TRIO: variants seen among roughly 807,000 people sequenced by gnomAD.
TRIO encodes triple functional domain protein.
A neutral mutation model predicts 351.9 loss-of-function variants in TRIO; 58 were observed. The observed-to-expected ratio is 0.16, with a 90% CI of 0.13 to 0.21. TRIO has a LOEUF of 0.21. TRIO is among the 10% of genes least tolerant of loss of function. The pLI is 1.00. For missense variants in TRIO, 3,201 were observed against 4,027.8 expected (o/e 0.79, Z 5.56); for synonymous variants, 1,758 against 1,595.7 (o/e 1.10, Z -2.42).
At position 14,501,466 on chromosome 5, in the gene TRIO, A is replaced by G. The variant is rs16903538; in HGVS notation, c.8333-1113A>G. Among the ~76,000 whole-genome samples, 595 of 152,318 alleles carry G rather than the reference A, an allele frequency of 3.9e-3. 6 individuals are homozygous for G. Among genetic ancestry groups the G allele is most frequent in the African/African-American group, 0.014 (571 of 41,562 alleles). On this transcript the variant is annotated intron_variant, in intron 53 of 56. Coordinates refer to ENST00000344204, the MANE Select transcript of TRIO (RefSeq NM_007118.4). Reference sequence around the variant, plus strand: ...GCAGAGGTGGATCAGACACGGGTTCACTTGTAGTCATGTAGCGGTCAGCAG... The same window carrying G: ...GCAGAGGTGGATCAGACACGGGTTCGCTTGTAGTCATGTAGCGGTCAGCAG...
At chr5:14,450,585 T>C (rs970464935) in intron 34 of TRIO, among the ~76,000 whole-genome samples, 1 of 152,254 alleles carries the variant, frequency 6.6e-6, no homozygotes, top group Non-Finnish European at 1.5e-5. Context: ...CTTCATGTTT[T>C]CTGTGTTCAA....
intron 34 of TRIO, among the ~76,000 whole-genome samples, chr5:14,424,454 C>T (rs557987570): frequency 1.3e-5 from 2 of 152,138 alleles, no homozygotes; most frequent in African/African-American, 2.4e-5. Flanking sequence ...CGAAGAAGTT[C>T]AGAGTATGAG....
intron 1 of TRIO, among the ~76,000 whole-genome samples, chr5:14,235,664 A>T (rs1185149160): frequency 6.6e-6 from 1 of 152,106 alleles, no homozygotes; most frequent in East Asian, 1.9e-4. Flanking sequence ...CACAGAATGG[A>T]ACTACGCTAG....
chr5:14,187,942 T>C (rs111940106), intron 1 of TRIO, among the ~76,000 whole-genome samples: 6,569 of 152,248 alleles, frequency 0.043, 475 homozygotes, highest in African/African-American at 0.15. Flanking sequence ...AGCCAATCTT[T>C]ATTGCGTGAG....
chr5:14,168,660 G>A (rs1440586805), intron 1 of TRIO, among the ~76,000 whole-genome samples: 3 of 152,214 alleles, frequency 2.0e-5, no homozygotes, highest in Non-Finnish European at 4.4e-5. Flanking sequence ...TTTTTAGCTA[G>A]CATTCAGTTG....
intron 34 of TRIO, among the ~76,000 whole-genome samples, chr5:14,429,488 T>C (rs1750918769): frequency 6.6e-6 from 1 of 152,230 alleles, no homozygotes; most frequent in African/African-American, 2.4e-5. Flanking sequence ...TTCTGGCTAA[T>C]TTAGAAGCAG....
At chr5:14,395,093 A>G (rs1010204272) in intron 28 of TRIO, among the ~76,000 whole-genome samples, 3 of 152,218 alleles carry the variant, frequency 2.0e-5, no homozygotes, top group Admixed American at 1.3e-4. Context: ...AATTTAGAAG[A>G]TGGAGTTACA....
Position 14,368,861 on chromosome 5 carries a change from G to A in TRIO, c.3028G>A (p.Val1010Ile), listed in dbSNP as rs1050603011. The change falls in exon 17 of 57, where the codon GTC becomes ATC. Residue 1010 changes from valine to isoleucine, a missense_variant. Physicochemically the swap from Val to Ile is conservative, Grantham distance 29. Transcript: ENST00000344204. ...CAAGATGGAAGATCGCCTCAAGCTC[G>A]TCAACGCCTCTGTCGCTTTCTACAA... is the stretch of plus-strand genomic sequence containing the variant. ...MLKMEDRLKL[V>I]NASVAFYKTS... The A allele has an allele frequency of 6.8e-6, 11 of 1,614,038 alleles. No homozygotes were observed. The highest frequency in any genetic ancestry group is 2.7e-5 in the African/African-American group (2 of 74,912).
chr5:14,484,627 T>C (rs1210217218), intron 46 of TRIO, among the ~76,000 whole-genome samples: 1 of 152,196 alleles, frequency 6.6e-6, no homozygotes, highest in East Asian at 1.9e-4. Context: ...ACACATAACA[T>C]AAATGTTCCA....
rs781554454 is a variant in TRIO, at chr5:14,270,841, T to G, written c.174T>G (p.Asp58Glu). Residue 58 changes from aspartate to glutamate, a missense_variant, in exon 2 of 57, where the codon GAT becomes GAG. Around this residue, in one of 19 missense-constraint regions of TRIO, gnomAD observed 109 missense variants for 134.6 expected, o/e 0.81. Coordinates refer to ENST00000344204, the MANE Select transcript of TRIO (RefSeq NM_007118.4). ...AFFRSGFRKN[D>E]EMKAMDVLPI... is the part of the protein sequence containing the mutation. ...GTATTTCAGGGTTTCGAAAAAACGATGAAATGAAAGCTATGGATGTTTTAC... is the reference window on the plus strand; with the variant it reads ...GTATTTCAGGGTTTCGAAAAAACGAGGAAATGAAAGCTATGGATGTTTTAC... 6.2e-7 allele frequency: 1 copy of G among 1,613,826 alleles called. No homozygotes were observed. The highest frequency in any genetic ancestry group is 8.5e-7 in the Non-Finnish European group (1 of 1,179,950).
intron 49 of TRIO, among the ~76,000 whole-genome samples, chr5:14,493,224 G>A (rs961342279): frequency 1.3e-5 from 2 of 152,092 alleles, no homozygotes; most frequent in African/African-American, 4.8e-5. Context: ...GGACCAGTAG[G>A]GAGCGTGCGG....
chr5:14,350,369 A>T (rs1337602164), intron 11 of TRIO, among the ~76,000 whole-genome samples: 2 of 152,096 alleles, frequency 1.3e-5, no homozygotes, highest in African/African-American at 4.8e-5. Flanking sequence ...TGTTGAAGAG[A>T]GTGTCTTACC....
intron 1 of TRIO, among the ~76,000 whole-genome samples, chr5:14,192,671 A>G (rs61008031): frequency 0.014 from 2,142 of 152,346 alleles, 34 homozygotes; most frequent in African/African-American, 0.048. Flanking sequence ...GAACATTTAC[A>G]GGTCAAGAAT....
chr5:14,231,486 G>T (rs928746947), intron 1 of TRIO, among the ~76,000 whole-genome samples: 2 of 152,156 alleles, frequency 1.3e-5, no homozygotes, highest in African/African-American at 4.8e-5. Context: ...TCAATGAAGA[G>T]AGAAAACCTT....
chr5:14,481,537 A>T lies in TRIO; in HGVS notation c.6388-4A>T, dbSNP rs758457175. 1 of 1,614,138 alleles carries T rather than the reference A, an allele frequency of 6.2e-7. No individual in the cohort carries two copies. ...CTTTCACTCTTCTCTCTCCCCTCCC[A>T]CAGAGAGCTGTGGAAGTCATGTGCA... On this transcript the variant is annotated splice_region_variant and splice_polypyrimidine_tract_variant and intron_variant, in intron 44 of 56. Coordinates refer to ENST00000344204, the MANE Select transcript of TRIO (RefSeq NM_007118.4).
In TRIO at chr5:14,482,902, C is replaced by T. The variant is rs1038083827; in HGVS notation, c.6657+129C>T. 16 of 946,072 alleles carry T rather than the reference C, an allele frequency of 1.7e-5. No homozygotes were observed. The African/African-American group carries it at 2.0e-4, about 12-fold the overall frequency. 58.6% of individuals were successfully genotyped at this position (946,072 alleles called of 1,614,324 possible). A position where few individuals can be genotyped will look rare whatever the true frequency, so the allele number is the denominator to read the frequency against. On this transcript the variant is annotated intron_variant, in intron 46 of 56. Transcript: ENST00000344204. ...TATTTGAGAATTTTCTAGTATATTT[C>T]AGAGCCTTGAATTCACCCCATTTCT...
intron 34 of TRIO, among the ~76,000 whole-genome samples, chr5:14,459,942 G>A (rs1430032008): frequency 3.3e-5 from 5 of 151,742 alleles, no homozygotes; most frequent in African/African-American, 1.2e-4. Context: ...TGGGGATGCA[G>A]TTTCGCTCTG....
intron 20 of TRIO, among the ~76,000 whole-genome samples, chr5:14,378,375 A>G (rs755355926): frequency 1.1e-4 from 17 of 152,208 alleles, no homozygotes; most frequent in Non-Finnish European, 2.1e-4. Context: ...TAAGACAGCA[A>G]AGTACAAGTA....
At chr5:14,251,211 T>G (rs1430995175) in intron 1 of TRIO, among the ~76,000 whole-genome samples, 2 of 152,284 alleles carry the variant, frequency 1.3e-5, no homozygotes, top group Non-Finnish European at 2.9e-5. Context: ...TTCCTTGATT[T>G]CATAGTTGAT....
Sources: allele counts gnomAD v4.1 joint callset (sites outside exome capture counted in the v4.1 genomes callset), GRCh38; gene constraint gnomAD v4.1.1; regional missense constraint gnomAD v4.1.1; transcripts MANE v1.5; gene names NCBI Gene and HGNC (gene_info 2026-07-23, HGNC 2026-07-21).